MACROD2: variants seen among roughly 807,000 people sequenced by gnomAD.
MACROD2 encodes the protein mono-ADP ribosylhydrolase 2.
In MACROD2, 36 loss-of-function variants were observed where a neutral mutation model predicts 70.4. The ratio of observed to expected loss-of-function variants is 0.51; its 90% CI spans 0.39 to 0.68. The LOEUF (loss-of-function observed/expected upper bound fraction) is 0.68. Among genes scored for constraint, MACROD2 ranks in the 30% least tolerant of loss-of-function variants. The pLI is 0.00. For missense variants in MACROD2, 496 were observed against 538.4 expected, an observed-to-expected ratio of 0.92 and a Z score of 0.78; for synonymous variants, 172 against 178.8, an observed-to-expected ratio of 0.96 and a Z score of 0.30.
intron 5 of MACROD2, among the ~76,000 whole-genome samples, chr20:14,872,475 G>T (rs540217846): frequency 1.1e-4 from 16 of 152,184 alleles, no homozygotes; most frequent in African/African-American, 3.9e-4. Flanking sequence ...AGGGATCCAG[G>T]TTGCCCTTCT....
chr20:15,760,172 G>A (rs1296718810), intron 8 of MACROD2, among the ~76,000 whole-genome samples: 1 of 152,206 alleles, frequency 6.6e-6, no homozygotes, highest in East Asian at 1.9e-4. Context: ...CCTTTGGATT[G>A]AATCATCGTG....
chr20:14,613,043 A>G (rs763306726), intron 4 of MACROD2, among the ~76,000 whole-genome samples: 7 of 152,082 alleles, frequency 4.6e-5, no homozygotes, highest in African/African-American at 7.2e-5. Flanking sequence ...AAATACTGTG[A>G]TTTTTATAAG....
At chr20:15,708,992 C>T (rs573713763) in intron 8 of MACROD2, among the ~76,000 whole-genome samples, 5 of 152,166 alleles carry the variant, frequency 3.3e-5, no homozygotes, top group South Asian at 4.2e-4. Flanking sequence ...CACTCCAACC[C>T]GGGCAACAGA....
At chr20:15,423,089 A>T (rs377357879) in intron 6 of MACROD2, among the ~76,000 whole-genome samples, 61 of 134,086 alleles carry the variant, frequency 4.5e-4, no homozygotes, top group African/African-American at 1.6e-3. Flanking sequence ...AATAACTTAT[A>T]GTTTTAGCAT....
At chr20:14,135,565 A>G (rs1179304707) in intron 3 of MACROD2, among the ~76,000 whole-genome samples, 4 of 151,954 alleles carry the variant, frequency 2.6e-5, no homozygotes, top group African/African-American at 4.8e-5. Context: ...AGTCTCTGCT[A>G]TTGGAGAGGC....
At chr20:14,264,421 C>G (rs150795980) in intron 3 of MACROD2, among the ~76,000 whole-genome samples, 143 of 152,192 alleles carry the variant, frequency 9.4e-4, no homozygotes, top group African/African-American at 3.3e-3. Context: ...GGTAAAATAA[C>G]TTGCATACTA....
intron 8 of MACROD2, among the ~76,000 whole-genome samples, chr20:15,609,373 T>C (rs1041842722): frequency 6.6e-6 from 1 of 152,210 alleles, no homozygotes; most frequent in Non-Finnish European, 1.5e-5. Flanking sequence ...CAAGCTCCTA[T>C]TCGTCTTGCC....
intron 6 of MACROD2, among the ~76,000 whole-genome samples, chr20:15,343,371 A>G (rs899878331): frequency 2.0e-5 from 3 of 152,176 alleles, no homozygotes; most frequent in African/African-American, 7.2e-5. Flanking sequence ...TGATCTACTA[A>G]ATAAAAATGT....
At chr20:15,560,684 A>C (rs1330324059) in intron 8 of MACROD2, among the ~76,000 whole-genome samples, 1 of 148,094 alleles carries the variant, frequency 6.8e-6, no homozygotes, top group Non-Finnish European at 1.5e-5. Context: ...AATCACTTGA[A>C]TCTGGAAGGC....
intron 4 of MACROD2, among the ~76,000 whole-genome samples, chr20:14,553,707 G>A (rs541645703): frequency 3.3e-5 from 5 of 152,182 alleles, no homozygotes; most frequent in African/African-American, 1.2e-4. Context: ...TGATCAAAAT[G>A]TTATGTAGTG....
At chr20:14,897,041 G>A (rs897060584) in intron 5 of MACROD2, among the ~76,000 whole-genome samples, 5 of 152,150 alleles carry the variant, frequency 3.3e-5, no homozygotes, top group African/African-American at 7.2e-5. Context: ...GCATGTGAAC[G>A]ATGTTACAGT....
intron 17 of MACROD2, among the ~76,000 whole-genome samples, chr20:16,046,796 T>G (rs1013995035): frequency 6.7e-6 from 1 of 149,502 alleles, no homozygotes; most frequent in African/African-American, 2.5e-5. Context: ...TTCTCATGCC[T>G]CTGCCTCCTG....
At chr20:15,071,642 G>A (rs1225194158) in intron 5 of MACROD2, among the ~76,000 whole-genome samples, 1 of 152,030 alleles carries the variant, frequency 6.6e-6, no homozygotes, top group Non-Finnish European at 1.5e-5. Flanking sequence ...AATTTGCATT[G>A]TATTTATTTT....
chr20:14,593,726 G>A (rs1261259234), intron 4 of MACROD2, among the ~76,000 whole-genome samples: 1 of 152,014 alleles, frequency 6.6e-6, no homozygotes, highest in African/African-American at 2.4e-5. Flanking sequence ...ATTAACCTTT[G>A]TCTTTGTATC....
At chr20:14,581,461 T>G (rs1364089878) in intron 4 of MACROD2, among the ~76,000 whole-genome samples, 1 of 152,188 alleles carries the variant, frequency 6.6e-6, no homozygotes, top group Non-Finnish European at 1.5e-5. Context: ...CTTGGCCTTT[T>G]AAAAAACACA....
chr20:14,337,614 C>G (rs1346856338), intron 3 of MACROD2: 6 of 398,500 alleles, frequency 1.5e-5, no homozygotes, highest in Non-Finnish European at 2.7e-5. Context: ...TTACTGCACA[C>G]AGCCCACCTC....
In MACROD2 at chr20:14,392,906, A is replaced by G. The variant is rs117440629; in HGVS notation, c.272-100573A>G. Among the ~76,000 whole-genome samples, 494 of 152,238 alleles carry G rather than the reference A, an allele frequency of 3.2e-3. 3 individuals are homozygous for G. Among genetic ancestry groups the G allele is most frequent in the Admixed American group, 7.8e-3 (119 of 15,280 alleles). On this transcript the variant is annotated intron_variant, in intron 3 of 17. Transcript: ENST00000684519. ...CTCTGCAGTATAGCTCTGGGTCAGA[A>G]GCATTTCCATAGTTAACCTCAAGCC...
chr20:15,304,961 T>G (rs1188160136), intron 6 of MACROD2, among the ~76,000 whole-genome samples: 1 of 152,234 alleles, frequency 6.6e-6, no homozygotes, highest in Non-Finnish European at 1.5e-5. Context: ...CTCGTTTGCT[T>G]ACAACTCTGA....
At chr20:15,258,423 A>G (rs898939493) in intron 6 of MACROD2, among the ~76,000 whole-genome samples, 1 of 152,138 alleles carries the variant, frequency 6.6e-6, no homozygotes, top group Non-Finnish European at 1.5e-5. Flanking sequence ...GAAATCTTTT[A>G]TACCATACTT....
Sources: allele counts gnomAD v4.1 joint callset (sites outside exome capture counted in the v4.1 genomes callset), GRCh38; gene constraint gnomAD v4.1.1; transcripts MANE v1.5; gene names NCBI Gene and HGNC (gene_info 2026-07-23, HGNC 2026-07-21).